CADM2: variants seen among roughly 807,000 people sequenced by gnomAD.
The protein encoded by CADM2 is cell adhesion molecule 2, also known as immunoglobulin superfamily member 4D.
A neutral mutation model predicts 49.8 loss-of-function variants in CADM2; 12 were observed. The observed-to-expected ratio is 0.24, with a 90% confidence interval of 0.15 to 0.39. CADM2 has a LOEUF of 0.39. Among genes scored for constraint, CADM2 ranks in the 10% least tolerant of loss-of-function variants. CADM2 has a pLI of 1.00. For synonymous variants in CADM2, 214 were observed against 175.4 expected, an observed-to-expected ratio of 1.22 and a Z score of -1.74; for missense variants, 378 against 492.3, an observed-to-expected ratio of 0.77 and a Z score of 2.20.
At chr3:86,032,031 T>A (rs1314765428) in intron 8 of CADM2, among the ~76,000 whole-genome samples, 1 of 151,698 alleles carries the variant, frequency 6.6e-6, no homozygotes, top group African/African-American at 2.4e-5. Flanking sequence ...GAAACAATAT[T>A]AACCAAGATA....
At chr3:85,477,071 A>G (rs1382234628) in intron 1 of CADM2, among the ~76,000 whole-genome samples, 1 of 151,874 alleles carries the variant, frequency 6.6e-6, no homozygotes, top group African/African-American at 2.4e-5. Flanking sequence ...TGAGCAGCAG[A>G]TTAGTAGCTT....
At position 86,066,782 on chromosome 3, in the gene CADM2, A is replaced by G; in HGVS notation, c.1214A>G (p.Ter405=). 1 of 1,594,760 alleles carries G rather than the reference A, an allele frequency of 6.3e-7. No individual in the cohort carries two copies. The highest frequency in any genetic ancestry group is 1.7e-4 in the Middle Eastern group (1 of 6,028). ...GAAGAGAAAAAAGAGTATTTCATTTAAGATGCAGGCCAAGATTCTGAGTTT... is the reference window on the plus strand; with the variant it reads ...GAAGAGAAAAAAGAGTATTTCATTTGAGATGCAGGCCAAGATTCTGAGTTT... The part of the protein sequence containing the change: ...NAEEKKEYFI[*] The change falls in exon 10 of 10, where the codon TAA becomes TGA. Residue 405 remains the stop codon, a stop_retained_variant. Coordinates refer to ENST00000383699, the MANE Select transcript of CADM2 (RefSeq NM_001167675.2).
At chr3:85,096,283 C>G (rs1385081959) in intron 1 of CADM2, among the ~76,000 whole-genome samples, 1 of 151,970 alleles carries the variant, frequency 6.6e-6, no homozygotes, top group East Asian at 1.9e-4. Flanking sequence ...ACTTATTACA[C>G]TAGAGCAGCA....
At chr3:85,744,578 C>T (rs1420615653) in intron 2 of CADM2, among the ~76,000 whole-genome samples, 2 of 151,888 alleles carry the variant, frequency 1.3e-5, no homozygotes, top group Non-Finnish European at 2.9e-5. Flanking sequence ...GGGGTAAGGT[C>T]TTAATGAGAA....
intron 5 of CADM2, among the ~76,000 whole-genome samples, chr3:85,908,621 T>C (rs1717132285): frequency 6.6e-6 from 1 of 152,068 alleles, no homozygotes; most frequent in African/African-American, 2.4e-5. Context: ...AGAAACTGCA[T>C]GCCATCACCC....
At chr3:85,086,549 T>C (rs952849002) in intron 1 of CADM2, among the ~76,000 whole-genome samples, 26 of 150,732 alleles carry the variant, frequency 1.7e-4, no homozygotes, top group African/African-American at 6.1e-4. Context: ...TCTCGCTTTG[T>C]TGCCCAGGCT....
At chr3:85,970,622 A>C (rs1726007938) in intron 8 of CADM2, among the ~76,000 whole-genome samples, 1 of 151,192 alleles carries the variant, frequency 6.6e-6, no homozygotes, top group East Asian at 2.0e-4. Context: ...ATTTCAATAT[A>C]GAATATTGCA....
At chr3:85,911,373 G>A (rs953514242) in intron 5 of CADM2, among the ~76,000 whole-genome samples, 5 of 152,096 alleles carry the variant, frequency 3.3e-5, no homozygotes, top group South Asian at 2.1e-4. Flanking sequence ...ACCATTTAAC[G>A]ATGGATCTAA....
At chr3:85,878,369 C>T (rs1443429562) in intron 3 of CADM2, among the ~76,000 whole-genome samples, 5 of 152,032 alleles carry the variant, frequency 3.3e-5, no homozygotes, top group Admixed American at 3.3e-4. Context: ...CATAAAACTT[C>T]ATGTGTTCTG....
chr3:85,245,761 C>T (rs2107846138), intron 1 of CADM2, among the ~76,000 whole-genome samples: 1 of 152,244 alleles, frequency 6.6e-6, no homozygotes, highest in East Asian at 1.9e-4. Context: ...AATGCATTAG[C>T]TATATTAACC....
At chr3:85,588,187 G>A (rs900762403) in intron 1 of CADM2, among the ~76,000 whole-genome samples, 5 of 152,070 alleles carry the variant, frequency 3.3e-5, no homozygotes, top group East Asian at 1.9e-4. Context: ...TTATTTAAAA[G>A]CATATATCCA....
intron 1 of CADM2, among the ~76,000 whole-genome samples, chr3:85,269,602 GT>G (rs2043191844): frequency 1.3e-5 from 2 of 151,144 alleles, no homozygotes; most frequent in Non-Finnish European, 3.0e-5. Flanking sequence ...TGTATAGTTA[GT>G]TTAACATTTC....
At chr3:86,058,992 G>C (rs182777742) in intron 8 of CADM2, among the ~76,000 whole-genome samples, 1 of 151,604 alleles carries the variant, frequency 6.6e-6, no homozygotes, top group Non-Finnish European at 1.5e-5. Context: ...TACTTGGGTG[G>C]CTGAGGCAGG....
intron 1 of CADM2, among the ~76,000 whole-genome samples, chr3:85,006,605 A>C (rs1427202507): frequency 6.6e-6 from 1 of 152,094 alleles, no homozygotes; most frequent in Non-Finnish European, 1.5e-5. Context: ...CAAGGATAAA[A>C]ATGCATGCCT....
At chr3:85,595,504 G>A (rs2063218217) in intron 1 of CADM2, among the ~76,000 whole-genome samples, 1 of 151,970 alleles carries the variant, frequency 6.6e-6, no homozygotes, top group South Asian at 2.1e-4. Context: ...GTAGCTCCTG[G>A]AGAAATTAGT....
At chr3:85,947,868 A>G (rs533524695) in intron 7 of CADM2, among the ~76,000 whole-genome samples, 2 of 151,570 alleles carry the variant, frequency 1.3e-5, no homozygotes, top group Non-Finnish European at 3.0e-5. Flanking sequence ...AATCACGATT[A>G]TAGATCCATA....
intron 1 of CADM2, among the ~76,000 whole-genome samples, chr3:85,428,096 A>G (rs1222004544): frequency 6.6e-6 from 1 of 151,624 alleles, no homozygotes; most frequent in Non-Finnish European, 1.5e-5. Context: ...AATGTGCCAT[A>G]ATTAGTGTGA....
chr3:85,653,446 AGAGT>A (rs1363359946), intron 1 of CADM2, among the ~76,000 whole-genome samples: 1 of 151,220 alleles, frequency 6.6e-6, no homozygotes, highest in African/African-American at 2.4e-5. Flanking sequence ...TTGTTGTATG[AGAGT>A]GAGTAAGAGG....
intron 1 of CADM2, among the ~76,000 whole-genome samples, chr3:85,683,107 C>A (rs989349779): frequency 1.3e-5 from 2 of 151,774 alleles, no homozygotes; most frequent in African/African-American, 2.4e-5. Context: ...AAATAAAAAT[C>A]TTTTTTACTG....
Sources: allele counts gnomAD v4.1 joint callset (sites outside exome capture counted in the v4.1 genomes callset), GRCh38; gene constraint gnomAD v4.1.1; transcripts MANE v1.5; gene names NCBI Gene and HGNC (gene_info 2026-07-23, HGNC 2026-07-21).